IMMP2L: variants seen among roughly 807,000 people sequenced by gnomAD.
IMMP2L encodes mitochondrial inner membrane protease subunit 2.
IMMP2L carries 18 observed loss-of-function variants against 19.3 expected under a neutral mutation model. The ratio of observed to expected loss-of-function variants is 0.93; its 90% CI spans 0.64 to 1.38. The LOEUF is 1.38. Among genes scored for constraint, IMMP2L ranks in the 40% most tolerant of loss-of-function variants. The pLI, the probability that IMMP2L is intolerant of heterozygous loss-of-function variation, is 0.00. For missense variants in IMMP2L, 233 were observed against 218.2 expected, an observed-to-expected ratio of 1.07 and a Z score of -0.43; for synonymous variants, 76 against 73.0, an observed-to-expected ratio of 1.04 and a Z score of -0.21.
chr7:110,797,144 T>A (rs541975599), intron 5 of IMMP2L, among the ~76,000 whole-genome samples: 1 of 151,978 alleles, frequency 6.6e-6, no homozygotes. Flanking sequence ...TCTTTCATGA[T>A]CCTTTTCCTC....
intron 3 of IMMP2L, among the ~76,000 whole-genome samples, chr7:111,159,781 A>C (rs553168277): frequency 9.9e-5 from 15 of 152,132 alleles, no homozygotes; most frequent in Non-Finnish European, 1.9e-4. Context: ...AAAAAAGTGA[A>C]CTTTTGATAA....
intron 3 of IMMP2L, among the ~76,000 whole-genome samples, chr7:111,280,870 C>T (rs1308440602): frequency 6.6e-6 from 1 of 151,862 alleles, no homozygotes; most frequent in Non-Finnish European, 1.5e-5. Context: ...GAGATCGAGA[C>T]CATCCTGTCT....
At chr7:111,291,489 T>C (rs1298764583) in intron 3 of IMMP2L, among the ~76,000 whole-genome samples, 1 of 152,176 alleles carries the variant, frequency 6.6e-6, no homozygotes, top group Non-Finnish European at 1.5e-5. Flanking sequence ...TCTAAAAAAA[T>C]GTTTACCTTT....
chr7:110,907,204 T>TAG (rs554979677), intron 4 of IMMP2L, among the ~76,000 whole-genome samples: 80 of 152,282 alleles, frequency 5.3e-4, no homozygotes, highest in African/African-American at 1.7e-3. Context: ...CGCCCACACT[T>TAG]ACGGCACCCA....
intron 3 of IMMP2L, among the ~76,000 whole-genome samples, chr7:111,377,305 C>T (rs893197629): frequency 2.0e-5 from 3 of 151,668 alleles, no homozygotes; most frequent in Non-Finnish European, 4.4e-5. Flanking sequence ...AGAAGGAAAA[C>T]ATCCCTCTAT....
chr7:111,071,077 T>A (rs1563212464), intron 3 of IMMP2L, among the ~76,000 whole-genome samples: 1 of 152,122 alleles, frequency 6.6e-6, no homozygotes, highest in African/African-American at 2.4e-5. Context: ...CAGACATTTA[T>A]TGAAAGAAGA....
chr7:111,018,787 TTTATTATTATTATTA>T (rs61180550), intron 3 of IMMP2L, among the ~76,000 whole-genome samples: 9,919 of 141,442 alleles, frequency 0.07, 476 homozygotes, highest in South Asian at 0.14. Context: ...TGTGTGTCTT[TTTATTATTATTATTA>T]TTATTATTAT....
intron 3 of IMMP2L, among the ~76,000 whole-genome samples, chr7:111,145,528 T>C (rs1055775198): frequency 6.6e-6 from 1 of 152,090 alleles, no homozygotes; most frequent in Non-Finnish European, 1.5e-5. Flanking sequence ...AAGTTCAGAA[T>C]GATAATGGAT....
intron 5 of IMMP2L, among the ~76,000 whole-genome samples, chr7:110,855,359 A>T (rs1806652142): frequency 6.6e-6 from 1 of 152,072 alleles, no homozygotes. Flanking sequence ...ATGGGGTGAT[A>T]TGACAGTACA....
At chr7:111,461,969 A>G (rs1840174393) in intron 3 of IMMP2L, among the ~76,000 whole-genome samples, 1 of 151,998 alleles carries the variant, frequency 6.6e-6, no homozygotes, top group African/African-American at 2.4e-5. Context: ...TCCATTTTAT[A>G]TAGATCATAC....
intron 3 of IMMP2L, among the ~76,000 whole-genome samples, chr7:111,271,557 T>C (rs1818471259): frequency 6.6e-6 from 1 of 152,154 alleles, no homozygotes; most frequent in South Asian, 2.1e-4. Context: ...TCAGAGTTTC[T>C]GATATAGAGT....
intron 3 of IMMP2L, among the ~76,000 whole-genome samples, chr7:111,131,216 T>C (rs1057511670): frequency 6.6e-6 from 1 of 151,882 alleles, no homozygotes; most frequent in Non-Finnish European, 1.5e-5. Flanking sequence ...AATTAAGTGA[T>C]TGCAGTGAAA....
intron 3 of IMMP2L, among the ~76,000 whole-genome samples, chr7:111,271,379 A>T (rs1818455782): frequency 6.6e-6 from 1 of 152,192 alleles, no homozygotes; most frequent in Admixed American, 6.5e-5. Context: ...ACAAAAGCTG[A>T]ATAACATAAA....
intron 3 of IMMP2L, among the ~76,000 whole-genome samples, chr7:111,268,406 T>C (rs759439469): frequency 6.7e-6 from 1 of 149,768 alleles, no homozygotes; most frequent in East Asian, 2.0e-4. Flanking sequence ...GCTTCAGCTA[T>C]GTGGTGGCAG....
At chr7:111,467,536 A>G (rs1434788547) in intron 3 of IMMP2L, among the ~76,000 whole-genome samples, 2 of 152,184 alleles carry the variant, frequency 1.3e-5, no homozygotes, top group Non-Finnish European at 1.5e-5. Context: ...GCTGGTATGT[A>G]TATTGAAAAC....
intron 3 of IMMP2L, among the ~76,000 whole-genome samples, chr7:111,100,995 T>A (rs569710356): frequency 6.6e-6 from 1 of 151,612 alleles, no homozygotes; most frequent in East Asian, 1.9e-4. Flanking sequence ...AAGTTTAAAA[T>A]TCCCCCATAA....
chr7:111,498,672 A>C (rs1420639189), intron 2 of IMMP2L, among the ~76,000 whole-genome samples: 1 of 152,208 alleles, frequency 6.6e-6, no homozygotes, highest in Non-Finnish European at 1.5e-5. Context: ...ATGGTGTAGC[A>C]ATCTATTCAC....
At chr7:110,738,591 A>C (rs1223615547) in intron 5 of IMMP2L, among the ~76,000 whole-genome samples, 2 of 152,244 alleles carry the variant, frequency 1.3e-5, no homozygotes, top group African/African-American at 4.8e-5. Context: ...TCCAAACCTA[A>C]GAATAATTGG....
At chr7:110,982,933 CAGAA>C in intron 3 of IMMP2L, among the ~76,000 whole-genome samples, 1 of 152,144 alleles carries the variant, frequency 6.6e-6, no homozygotes, top group South Asian at 2.1e-4. Flanking sequence ...TTTCCCAAAA[CAGAA>C]AGTCATAGAT....
Sources: allele counts gnomAD v4.1 joint callset (sites outside exome capture counted in the v4.1 genomes callset), GRCh38; gene constraint gnomAD v4.1.1; transcripts MANE v1.5; gene names NCBI Gene and HGNC (gene_info 2026-07-23, HGNC 2026-07-21).